Variants in DPYD observed in about 807,000 individuals in gnomAD.
DPYD encodes the protein dihydropyrimidine dehydrogenase.
A neutral mutation model predicts 116.2 loss-of-function variants in DPYD; 109 were observed. That is an observed-to-expected ratio of 0.94 (90% CI 0.80 to 1.10). The LOEUF (loss-of-function observed/expected upper bound fraction) is 1.10, where lower values mean the gene tolerates loss of function less well. Among genes scored for constraint, DPYD ranks in the 50% least tolerant of loss-of-function variants. The probability of loss-of-function intolerance (pLI) is 0.00; values close to 1 mark genes in which losing one functional copy is unlikely to be tolerated. For synonymous variants in DPYD, 440 were observed against 432.0 expected, an observed-to-expected ratio of 1.02 and a Z score of -0.23; for missense variants, 1,302 against 1,254.5, an observed-to-expected ratio of 1.04 and a Z score of -0.57.
At chr1:97,378,517 C>T (rs777441027) in intron 15 of DPYD, among the ~76,000 whole-genome samples, 16 of 152,122 alleles carry the variant, frequency 1.1e-4, no homozygotes, top group Non-Finnish European at 2.1e-4. Context: ...TTGTCTCTTC[C>T]TACCAAAGGT....
intron 20 of DPYD, among the ~76,000 whole-genome samples, chr1:97,171,510 C>G (rs17116539): frequency 6.6e-6 from 1 of 152,108 alleles, no homozygotes; most frequent in Non-Finnish European, 1.5e-5. Flanking sequence ...TAGGCAAGTG[C>G]GGAGGTTTTG....
At chr1:97,563,334 ATAAAGCTCAGTTTATCTAT>A (rs1652296975) in intron 11 of DPYD, among the ~76,000 whole-genome samples, 1 of 152,234 alleles carries the variant, frequency 6.6e-6, no homozygotes, top group Admixed American at 6.5e-5. Flanking sequence ...GCTGTGGTCA[ATAAAGCTCAGTTTATCTAT>A]TACACTCACC....
At chr1:97,351,329 C>T in intron 16 of DPYD, among the ~76,000 whole-genome samples, 1 of 152,058 alleles carries the variant, frequency 6.6e-6, no homozygotes, top group South Asian at 2.1e-4. Context: ...AGAGTTTACT[C>T]TGAAAGCCCA....
At chr1:97,446,404 T>G (rs1476908061) in intron 14 of DPYD, among the ~76,000 whole-genome samples, 4 of 152,198 alleles carry the variant, frequency 2.6e-5, no homozygotes, top group Non-Finnish European at 5.9e-5. Context: ...AGAGGCTATT[T>G]GTCAGTAAAG....
At chr1:97,458,962 G>GA (rs1557726353) in intron 13 of DPYD, among the ~76,000 whole-genome samples, 1 of 151,830 alleles carries the variant, frequency 6.6e-6, no homozygotes, top group African/African-American at 2.4e-5. Flanking sequence ...AATGACATGA[G>GA]AAAAAAGATA....
intron 18 of DPYD, among the ~76,000 whole-genome samples, chr1:97,289,643 C>A (rs1251631141): frequency 1.3e-5 from 2 of 152,128 alleles, no homozygotes; most frequent in African/African-American, 4.8e-5. Flanking sequence ...AACAACCCTT[C>A]ATGCTAAAAA....
intron 3 of DPYD, among the ~76,000 whole-genome samples, chr1:97,800,067 T>C (rs932772522): frequency 6.6e-6 from 1 of 151,912 alleles, no homozygotes; most frequent in Non-Finnish European, 1.5e-5. Context: ...TTGCCATTTA[T>C]TTTTTGTATA....
At chr1:97,510,082 T>A (rs776924710) in intron 13 of DPYD, among the ~76,000 whole-genome samples, 1 of 151,668 alleles carries the variant, frequency 6.6e-6, no homozygotes, top group Non-Finnish European at 1.5e-5. Context: ...GGGGCCATCA[T>A]TAGCCATTTA....
chr1:97,122,153 A>G (rs537094835), intron 20 of DPYD, among the ~76,000 whole-genome samples: 1 of 152,284 alleles, frequency 6.6e-6, no homozygotes, highest in East Asian at 1.9e-4. Flanking sequence ...CATGTAGCCT[A>G]CTTCCTTTGT....
intron 3 of DPYD, among the ~76,000 whole-genome samples, chr1:97,750,478 A>G (rs1198763821): frequency 6.6e-6 from 1 of 152,184 alleles, no homozygotes; most frequent in Non-Finnish European, 1.5e-5. Context: ...TCACAATGCT[A>G]TATTGTTTGC....
chr1:97,257,683 T>C (rs975661048), intron 18 of DPYD, among the ~76,000 whole-genome samples: 3 of 151,978 alleles, frequency 2.0e-5, no homozygotes, highest in Non-Finnish European at 4.4e-5. Context: ...AATTAATTTT[T>C]ATACAAATTT....
chr1:97,836,893 G>A lies in DPYD; in HGVS notation c.151-8697C>T, dbSNP rs147344411. Among the ~76,000 whole-genome samples, 1,029 of 152,098 alleles carry A rather than the reference G, an allele frequency of 6.8e-3. 24 individuals are homozygous for A. The highest frequency in any genetic ancestry group is 4.5e-3 in the Non-Finnish European group (306 of 67,918). On this transcript the variant is annotated intron_variant, in intron 2 of 22. Transcript: ENST00000370192. ...ATATACTGTACACAGTTATGGAATG[G>A]TTGGTACTAGATAGATATCAAATAA...
rs796245332 is a variant in DPYD, at chr1:97,557,308, C to CTTT, written c.1340-7567_1340-7565dup. On this transcript the variant is annotated intron_variant, in intron 11 of 22. Transcript: ENST00000370192. ...AAATTTTCTATTCCCTTTTTCTTTT[C>CTTT]TTTTTTTTTTTTTTTTTTTTGAGGA... is the stretch of plus-strand genomic sequence containing the variant. Among the ~76,000 whole-genome samples the CTTT allele has an allele frequency of 3.5e-3, 380 of 107,138 alleles. 14 individuals are homozygous for CTTT. Among genetic ancestry groups the CTTT allele is most frequent in the African/African-American group, 0.012 (324 of 26,548 alleles). 70.3% of individuals were successfully genotyped at this position (107,138 alleles called of 152,430 possible).
intron 8 of DPYD, among the ~76,000 whole-genome samples, chr1:97,647,382 T>A (rs924334934): frequency 1.3e-5 from 2 of 151,966 alleles, no homozygotes; most frequent in Non-Finnish European, 2.9e-5. Context: ...AAATGAAAGA[T>A]AAATTCTCTT....
intron 15 of DPYD, among the ~76,000 whole-genome samples, chr1:97,380,378 A>T (rs943315794): frequency 3.2e-4 from 49 of 152,216 alleles, no homozygotes; most frequent in Non-Finnish European, 6.3e-4. Flanking sequence ...TAACAATGCT[A>T]CTAATTTGAC....
chr1:97,571,049 G>T (rs1652860661), intron 11 of DPYD, among the ~76,000 whole-genome samples: 1 of 151,960 alleles, frequency 6.6e-6, no homozygotes, highest in Admixed American at 6.6e-5. Flanking sequence ...GCACAGAGAA[G>T]TTCATTTATA....
At chr1:97,285,185 G>C (rs1332605160) in intron 18 of DPYD, among the ~76,000 whole-genome samples, 1 of 152,140 alleles carries the variant, frequency 6.6e-6, no homozygotes, top group Non-Finnish European at 1.5e-5. Flanking sequence ...ACAGTAAATA[G>C]ACAGGAAACT....
chr1:97,409,723 T>C (rs910368863), intron 14 of DPYD, among the ~76,000 whole-genome samples: 2 of 152,138 alleles, frequency 1.3e-5, no homozygotes, highest in African/African-American at 4.8e-5. Context: ...TTATATATTC[T>C]TCCCCAGACA....
chr1:97,453,098 G>C lies in DPYD; in HGVS notation c.1741-2875C>G, dbSNP rs1377798527. ...GATAGATCCCTGAACCAAATGCTGT[G>C]ATACAAAGCACCCACTGCTATAGGC... is the stretch of plus-strand genomic sequence containing the variant. On this transcript the variant is annotated intron_variant, in intron 13 of 22. Coordinates refer to ENST00000370192, the MANE Select transcript of DPYD (RefSeq NM_000110.4). 2.6e-5 allele frequency among the ~76,000 whole-genome samples: 4 copies of C among 152,118 alleles called. No individual in the cohort carries two copies. In the East Asian group the frequency reaches 5.8e-4, roughly 22 times the overall value.
Sources: gnomAD v4.1 joint callset for allele counts (sites outside exome capture counted in the v4.1 genomes callset) on GRCh38, gnomAD v4.1.1 for gene constraint, MANE v1.5 for transcripts, NCBI Gene and HGNC (gene_info 2026-07-23, HGNC 2026-07-21) for gene names.